The following TYW1 variants were observed in gnomAD, a reference collection of about 807,000 sequenced individuals.
The protein encoded by TYW1 is S-adenosyl-L-methionine-dependent tRNA 4-demethylwyosine synthase TYW1.
Under a neutral mutation model 96.2 loss-of-function variants are expected in TYW1, and 46 were observed. The ratio of observed to expected loss-of-function variants is 0.48; its 90% CI spans 0.38 to 0.61. The LOEUF (loss-of-function observed/expected upper bound fraction) is 0.61. Among genes scored for constraint, TYW1 ranks in the 20% least tolerant of loss-of-function variants. TYW1 has a pLI of 0.00. For missense variants in TYW1, 684 were observed against 909.6 expected, an observed-to-expected ratio of 0.75 and a Z score of 3.19; for synonymous variants, 274 against 323.0, an observed-to-expected ratio of 0.85 and a Z score of 1.63.
chr7:67,168,088 A>G (rs1000031590), intron 13 of TYW1, among the ~76,000 whole-genome samples: 4 of 148,272 alleles, frequency 2.7e-5, no homozygotes, highest in Admixed American at 6.7e-5. Context: ...CACCATACTG[A>G]AGAAATTTCT....
chr7:67,179,863 A>AT (rs1449253337), intron 13 of TYW1, among the ~76,000 whole-genome samples: 19 of 75,168 alleles, frequency 2.5e-4, no homozygotes, highest in East Asian at 2.4e-3. Context: ...ATATATATAT[A>AT]TATTTTTTTT....
At chr7:67,025,275 G>A (rs1384370570) in intron 7 of TYW1, among the ~76,000 whole-genome samples, 1 of 152,028 alleles carries the variant, frequency 6.6e-6, no homozygotes, top group African/African-American at 2.4e-5. Context: ...TTGTAGATTG[G>A]GGGTGTCCAA....
intron 7 of TYW1, among the ~76,000 whole-genome samples, chr7:67,030,895 A>G (rs1421958059): frequency 4.6e-5 from 7 of 151,974 alleles, no homozygotes. Flanking sequence ...ATTACATTAC[A>G]TCAAATTAAA....
At chr7:67,019,997 T>C (rs1302946487) in intron 6 of TYW1, among the ~76,000 whole-genome samples, 1 of 152,266 alleles carries the variant, frequency 6.6e-6, no homozygotes, top group African/African-American at 2.4e-5. Flanking sequence ...AGATGTTTCA[T>C]TCCAATTTCA....
intron 13 of TYW1, among the ~76,000 whole-genome samples, chr7:67,151,251 G>T (rs1013861046): frequency 1.3e-5 from 2 of 152,088 alleles, no homozygotes; most frequent in African/African-American, 4.8e-5. Flanking sequence ...GAGGTTTCAT[G>T]TTGGCCAGGC....
Position 67,238,679 on chromosome 7 carries a change from ACAGCGTCCACACTCAGAGGGCCTGGGCC to A in TYW1, c.*151_*178del, listed in dbSNP as rs1801971121. The A allele has an allele frequency of 2.8e-6, 4 of 1,441,696 alleles. No homozygotes were observed. The South Asian group carries it at 6.1e-5, about 22-fold the overall frequency. 89.3% of individuals were successfully genotyped at this position (1,441,696 alleles called of 1,614,324 possible). A position where few individuals can be genotyped will look rare whatever the true frequency, so the allele number is the denominator to read the frequency against. On this transcript the variant is annotated 3_prime_UTR_variant, in exon 16 of 16. Transcript: ENST00000359626. The stretch of plus-strand genomic sequence containing the variant: ...GGCAGTAAACATGGAGACACGGGGG[ACAGCGTCCACACTCAGAGGGCCTGGGCC>A]ACAGCCCCGATGTTTCTTTTCAGAA...
intron 15 of TYW1, among the ~76,000 whole-genome samples, chr7:67,203,070 G>A (rs1235442450): frequency 6.6e-6 from 1 of 152,108 alleles, no homozygotes; most frequent in Non-Finnish European, 1.5e-5. Flanking sequence ...CCATCACCAC[G>A]ACCCAGATAG....
intron 10 of TYW1, among the ~76,000 whole-genome samples, chr7:67,074,831 G>GT (rs11447281): frequency 0.053 from 7,855 of 147,254 alleles, 237 homozygotes; most frequent in Non-Finnish European, 0.078. Context: ...ATGACAGTGG[G>GT]TTTTTTTTTT....
At chr7:67,223,492 T>A (rs978869955) in intron 15 of TYW1, among the ~76,000 whole-genome samples, 5 of 152,028 alleles carry the variant, frequency 3.3e-5, no homozygotes, top group Non-Finnish European at 7.4e-5. Flanking sequence ...GTTTATTTTT[T>A]AATGTCTTAG....
At chr7:67,055,983 A>T (rs1377567594) in intron 9 of TYW1, 96 bp downstream of exon 9, 5 of 936,456 alleles carry the variant, frequency 5.3e-6, no homozygotes, top group Non-Finnish European at 7.8e-6. Flanking sequence ...TAGAGGTATA[A>T]TTTACATTTA....
intron 11 of TYW1, among the ~76,000 whole-genome samples, chr7:67,092,988 C>T (rs1428713623): frequency 7.2e-5 from 11 of 151,870 alleles, no homozygotes; most frequent in African/African-American, 1.7e-4. Context: ...CGGCCCAAAA[C>T]TTCGTCTTTA....
intron 9 of TYW1, among the ~76,000 whole-genome samples, chr7:67,066,002 TACACAC>T (rs778159395): frequency 8.6e-5 from 8 of 93,134 alleles, no homozygotes; most frequent in Non-Finnish European, 1.5e-4. Flanking sequence ...AGAGTGAGAC[TACACAC>T]ACACACACAC....
chr7:67,139,526 C>T (rs1410685776), intron 13 of TYW1, among the ~76,000 whole-genome samples: 1 of 151,966 alleles, frequency 6.6e-6, no homozygotes, highest in Non-Finnish European at 1.5e-5. Context: ...GTTCCAGGAC[C>T]CCCGTGGATA....
intron 6 of TYW1, among the ~76,000 whole-genome samples, chr7:67,024,124 TCC>T (rs1402666246): frequency 6.6e-6 from 1 of 152,074 alleles, no homozygotes; most frequent in African/African-American, 2.4e-5. Flanking sequence ...TGTTAGTTGT[TCC>T]CACTCCATCA....
At chr7:67,179,846 A>AATATAT (rs748335778) in intron 13 of TYW1, among the ~76,000 whole-genome samples, 2 of 116,104 alleles carry the variant, frequency 1.7e-5, no homozygotes, top group Admixed American at 8.9e-5. Flanking sequence ...AATCATTAGG[A>AATATAT]ATATATATAT....
chr7:67,148,091 G>A (rs535081061), intron 13 of TYW1, among the ~76,000 whole-genome samples: 9 of 152,134 alleles, frequency 5.9e-5, no homozygotes, highest in African/African-American at 1.9e-4. Flanking sequence ...TTGGGAGGAA[G>A]GGTCACAGAA....
At chr7:67,210,780 A>ATCCATCCATCCATCCATCCATCCATCCC (rs1563073234) in intron 15 of TYW1, among the ~76,000 whole-genome samples, 2 of 150,646 alleles carry the variant, frequency 1.3e-5, no homozygotes, top group African/African-American at 2.5e-5. Flanking sequence ...CCATCCATCC[A>ATCCATCCATCCATCCATCCATCCATCCC]TCCGTCCATC....
chr7:67,072,248 CT>C (rs35654128), intron 10 of TYW1, among the ~76,000 whole-genome samples: 75 of 128,918 alleles, frequency 5.8e-4, no homozygotes, highest in Middle Eastern at 4.5e-3. Flanking sequence ...CCTCTACCCA[CT>C]TTTTTTTTTT....
chr7:67,005,879 T>A (rs1175739678), intron 3 of TYW1, among the ~76,000 whole-genome samples: 2 of 152,118 alleles, frequency 1.3e-5, no homozygotes, highest in Non-Finnish European at 2.9e-5. Flanking sequence ...CCCATCTCCT[T>A]GGTTTCTTTT....
Sources: allele counts gnomAD v4.1 joint callset (sites outside exome capture counted in the v4.1 genomes callset), GRCh38; gene constraint gnomAD v4.1.1; transcripts MANE v1.5; gene names NCBI Gene and HGNC (gene_info 2026-07-23, HGNC 2026-07-21).